The following GPHN variants were observed in gnomAD, a reference collection of about 807,000 sequenced individuals.
GPHN encodes the protein gephyrin.
A neutral mutation model predicts 95.5 loss-of-function variants in GPHN; 17 were observed. That is an observed-to-expected ratio of 0.18 (90% CI 0.12 to 0.27). The LOEUF (loss-of-function observed/expected upper bound fraction) is 0.27, where lower values mean the gene tolerates loss of function less well. Ranked by LOEUF, GPHN falls within the 10% of genes least tolerant of loss-of-function variation. GPHN has a pLI of 1.00. For synonymous variants in GPHN, 320 were observed against 322.5 expected, an observed-to-expected ratio of 0.99 and a Z score of 0.08; for missense variants, 660 against 978.1, an observed-to-expected ratio of 0.67 and a Z score of 4.34.
intron 1 of GPHN, among the ~76,000 whole-genome samples, chr14:66,525,915 A>G (rs2058672090): frequency 6.6e-6 from 1 of 151,890 alleles, no homozygotes; most frequent in African/African-American, 2.4e-5. Flanking sequence ...GAAGTCAGTT[A>G]GCATGATGCC....
At chr14:67,574,906 C>G in the GPHN span, among the ~76,000 whole-genome samples, 1 of 152,182 alleles carries the variant, frequency 6.6e-6, no homozygotes, top group Admixed American at 6.5e-5. This position sits in a 1 kb window ranked among gnomAD's most constrained non-coding sequence, Gnocchi z 4.2. Context: ...CAGCAGGAAC[C>G]AAAGCGACTT....
intron 18 of GPHN, 95 bp downstream of exon 18, chr14:67,143,544 G>T: frequency 1.2e-6 from 1 of 826,782 alleles, no homozygotes; most frequent in South Asian, 1.3e-5. Flanking sequence ...TATTCATAAC[G>T]AGGCTCCCAC....
intron 8 of GPHN, among the ~76,000 whole-genome samples, chr14:66,947,877 C>A (rs1241444813): frequency 2.0e-5 from 3 of 152,088 alleles, no homozygotes; most frequent in Non-Finnish European, 2.9e-5. Flanking sequence ...ATTGTGTGAG[C>A]CCAGGAGTTT....
At chr14:67,566,703 C>T in the GPHN span, among the ~76,000 whole-genome samples, 1 of 149,712 alleles carries the variant, frequency 6.7e-6, no homozygotes, top group African/African-American at 2.5e-5. Context: ...GAGTCAAGAT[C>T]TTGCCACTGT....
At chr14:67,685,007 A>G in the GPHN span, 26 of 1,602,318 alleles carry the variant, frequency 1.6e-5, no homozygotes, top group South Asian at 1.3e-4. Context: ...AAGAGATAAC[A>G]TTCATACCTG....
chr14:67,205,213 C>T, the GPHN span: 2 of 962,270 alleles, frequency 2.1e-6, no homozygotes, highest in South Asian at 3.7e-5. Flanking sequence ...CTCCGAGAAA[C>T]CTAATTTTAA....
chr14:66,780,134 T>C (rs1595881318), intron 3 of GPHN, among the ~76,000 whole-genome samples: 2 of 152,308 alleles, frequency 1.3e-5, no homozygotes, highest in South Asian at 2.1e-4. Flanking sequence ...GTAGATGGTG[T>C]TGCTGTTAAC....
At chr14:67,347,943 ACT>A in the GPHN span, among the ~76,000 whole-genome samples, 1 of 148,808 alleles carries the variant, frequency 6.7e-6, no homozygotes, top group Non-Finnish European at 1.5e-5. Flanking sequence ...ACAGAGTCTC[ACT>A]CTGTCGCCCA....
the GPHN span, among the ~76,000 whole-genome samples, chr14:67,216,434 T>C: frequency 2.6e-5 from 4 of 152,174 alleles, no homozygotes; most frequent in African/African-American, 7.2e-5. Context: ...TTATTTCTTC[T>C]ACTAATTTTG....
At chr14:67,414,894 A>G in the GPHN span, among the ~76,000 whole-genome samples, 2 of 152,246 alleles carry the variant, frequency 1.3e-5, no homozygotes, top group Non-Finnish European at 2.9e-5. Flanking sequence ...CCAGGGAAAT[A>G]AAATGACTTG....
intron 1 of GPHN, among the ~76,000 whole-genome samples, chr14:66,573,588 G>A (rs2041931016): frequency 6.6e-6 from 1 of 151,924 alleles, no homozygotes. Flanking sequence ...GAGTAGCTGG[G>A]ACTACAGGCA....
At chr14:66,796,614 C>T (rs1187046246) in intron 3 of GPHN, among the ~76,000 whole-genome samples, 1 of 151,920 alleles carries the variant, frequency 6.6e-6, no homozygotes, top group Non-Finnish European at 1.5e-5. Flanking sequence ...ATGTTGAGCA[C>T]CTTTTCATAT....
At chr14:67,583,929 T>TCA in the GPHN span, 4 of 1,611,606 alleles carry the variant, frequency 2.5e-6, no homozygotes, top group Non-Finnish European at 3.4e-6. Flanking sequence ...TGGGGAGGTC[T>TCA]CAGGCCTGGA....
chr14:66,627,988 G>A (rs888786427), intron 1 of GPHN, among the ~76,000 whole-genome samples: 2 of 152,008 alleles, frequency 1.3e-5, no homozygotes, highest in Middle Eastern at 3.2e-3. Flanking sequence ...AATAGAAAAT[G>A]GAATGTTTTT....
chr14:67,433,130 G>A, the GPHN span, among the ~76,000 whole-genome samples: 3 of 152,140 alleles, frequency 2.0e-5, no homozygotes, highest in Admixed American at 2.0e-4. Context: ...CCCAACCCAG[G>A]AAGTTGATGC....
At chr14:66,756,970 G>A (rs1224564984) in intron 2 of GPHN, among the ~76,000 whole-genome samples, 1 of 152,094 alleles carries the variant, frequency 6.6e-6, no homozygotes, top group Non-Finnish European at 1.5e-5. Context: ...ACCTGAATTA[G>A]TTATTTTCTT....
At chr14:66,673,441 C>G (rs1170502724) in intron 1 of GPHN, among the ~76,000 whole-genome samples, 1 of 152,190 alleles carries the variant, frequency 6.6e-6, no homozygotes, top group Non-Finnish European at 1.5e-5. Context: ...CACGTTTCAA[C>G]TAAACGAAGT....
the GPHN span, chr14:67,722,789 A>T: frequency 8.3e-7 from 1 of 1,198,618 alleles, no homozygotes; most frequent in Non-Finnish European, 1.2e-6. Flanking sequence ...CTGAAAGAAG[A>T]GAAAGGGAAG....
intron 21 of GPHN, among the ~76,000 whole-genome samples, chr14:67,173,173 A>C (rs1299147062): frequency 6.6e-6 from 1 of 152,212 alleles, no homozygotes; most frequent in Non-Finnish European, 1.5e-5. Context: ...CCCAGGTGCC[A>C]CAATGGGTTC....
Sources: gnomAD v4.1 joint callset for allele counts (sites outside exome capture counted in the v4.1 genomes callset) on GRCh38, gnomAD v4.1.1 for gene constraint, Gnocchi (gnomAD v3.1) non-coding constraint, MANE v1.5 for transcripts, NCBI Gene and HGNC (gene_info 2026-07-23, HGNC 2026-07-21) for gene names.